STX17: variants seen among roughly 807,000 people sequenced by gnomAD.
The protein encoded by STX17 is syntaxin 17.
Under a neutral mutation model 35.9 loss-of-function variants are expected in STX17, and 29 were observed. The observed-to-expected ratio is 0.81, with a 90% CI of 0.60 to 1.10. The LOEUF is 1.10. STX17 is among the 50% of genes least tolerant of loss of function. The probability of loss-of-function intolerance (pLI) is 0.00; values close to 1 mark genes in which losing one functional copy is unlikely to be tolerated. For synonymous variants in STX17, 92 were observed against 118.3 expected, an observed-to-expected ratio of 0.78 and a Z score of 1.44; for missense variants, 312 against 352.3, an observed-to-expected ratio of 0.89 and a Z score of 0.92.
chr9:99,963,829 T>A (rs1389713828), intron 6 of STX17, among the ~76,000 whole-genome samples: 3 of 152,200 alleles, frequency 2.0e-5, no homozygotes, highest in Non-Finnish European at 4.4e-5. Flanking sequence ...TATATCATAG[T>A]ATTTATAAGT....
At chr9:99,924,305 A>C (rs1828945940) in intron 2 of STX17, among the ~76,000 whole-genome samples, 1 of 152,302 alleles carries the variant, frequency 6.6e-6, no homozygotes, top group African/African-American at 2.4e-5. Context: ...AAAGTGCCCC[A>C]GCATTGTAAC....
chr9:99,930,722 C>T (rs1829104244), intron 3 of STX17, among the ~76,000 whole-genome samples: 1 of 152,162 alleles, frequency 6.6e-6, no homozygotes, highest in African/African-American at 2.4e-5. Flanking sequence ...ATGCCTTCCT[C>T]ATTTTTGCTT....
intron 1 of STX17, among the ~76,000 whole-genome samples, chr9:99,914,649 A>G (rs1828730124): frequency 6.6e-6 from 1 of 152,232 alleles, no homozygotes; most frequent in Non-Finnish European, 1.5e-5. Flanking sequence ...AAAGTTGCAT[A>G]TTATGTTATC....
At chr9:99,940,669 CG>C (rs1369514796) in intron 3 of STX17, among the ~76,000 whole-genome samples, 2 of 151,590 alleles carry the variant, frequency 1.3e-5, no homozygotes, top group Admixed American at 1.3e-4. Context: ...TTAGTAGAGA[CG>C]GGGTTTCTTC....
In STX17 at chr9:99,971,096, T is replaced by C. The variant is rs1221521854; in HGVS notation, c.*2423T>C. Reference sequence around the variant, plus strand: ...GAAGAGTTTGATCAACTATAAATGATAAAGTGTTTATAAGCATAGTCAGTG... The same window carrying C: ...GAAGAGTTTGATCAACTATAAATGACAAAGTGTTTATAAGCATAGTCAGTG... On this transcript the variant is annotated 3_prime_UTR_variant, in exon 8 of 8. Transcript: ENST00000259400. 6.6e-6 allele frequency among the ~76,000 whole-genome samples: 1 copy of C among 152,232 alleles called. No individual in the cohort carries two copies. The highest frequency in any genetic ancestry group is 1.5e-5 in the Non-Finnish European group (1 of 68,036).
chr9:99,929,767 A>C (rs886129103), intron 3 of STX17: 8 of 151,810 alleles, frequency 5.3e-5, no homozygotes, highest in African/African-American at 1.5e-4. Context: ...AAATAGTGAA[A>C]TACAGTACTA....
intron 2 of STX17, among the ~76,000 whole-genome samples, chr9:99,922,721 G>C (rs1828912515): frequency 6.6e-6 from 1 of 152,196 alleles, no homozygotes; most frequent in South Asian, 2.1e-4. Context: ...GAATCACTCA[G>C]CTTAAGGAAG....
chr9:99,967,540 A>T, intron 6 of STX17, 113 bp from the exon 7 acceptor site: 2 of 728,388 alleles, frequency 2.7e-6, no homozygotes, highest in Non-Finnish European at 4.5e-6. Context: ...AACCACTATT[A>T]AGATGGCAAG....
chr9:99,925,326 T>C (rs1828966964), intron 2 of STX17, among the ~76,000 whole-genome samples: 1 of 152,148 alleles, frequency 6.6e-6, no homozygotes, highest in Non-Finnish European at 1.5e-5. Flanking sequence ...TCTGCATACA[T>C]TATCAGCCCC....
intron 2 of STX17, among the ~76,000 whole-genome samples, chr9:99,924,613 A>G (rs1828953614): frequency 6.6e-6 from 1 of 152,148 alleles, no homozygotes; most frequent in South Asian, 2.1e-4. Context: ...TTCTCAGTTT[A>G]TGGCCTGCAA....
chr9:99,932,821 A>G (rs1768977683), intron 3 of STX17, among the ~76,000 whole-genome samples: 1 of 152,160 alleles, frequency 6.6e-6, no homozygotes, highest in Non-Finnish European at 1.5e-5. Flanking sequence ...GTTAGTGTAA[A>G]AGTTATTTTG....
intron 3 of STX17, among the ~76,000 whole-genome samples, chr9:99,930,774 A>G (rs957010864): frequency 2.6e-5 from 4 of 152,138 alleles, no homozygotes; most frequent in Non-Finnish European, 2.9e-5. Flanking sequence ...GTAGCCCTCT[A>G]ATTAAGGGTA....
At chr9:99,940,333 G>A (rs925233071) in intron 3 of STX17, among the ~76,000 whole-genome samples, 12 of 151,762 alleles carry the variant, frequency 7.9e-5, no homozygotes, top group Admixed American at 5.3e-4. Context: ...GTTTTACCAC[G>A]TTGGCCAGGC....
intron 1 of STX17, among the ~76,000 whole-genome samples, chr9:99,913,242 T>A (rs1371482330): frequency 6.6e-6 from 1 of 152,148 alleles, no homozygotes; most frequent in African/African-American, 2.4e-5. Context: ...ATTTTAATTA[T>A]CAGTATATTC....
chr9:99,973,412 A>G lies in STX17; in HGVS notation c.*4739A>G, dbSNP rs143678221. 2.6e-4 allele frequency among the ~76,000 whole-genome samples: 39 copies of G among 152,310 alleles called. No individual in the cohort carries two copies. Among genetic ancestry groups the G allele is most frequent in the African/African-American group, 7.7e-4 (32 of 41,572 alleles). On this transcript the variant is annotated 3_prime_UTR_variant, in exon 8 of 8. Transcript: ENST00000259400. ...TAGCTTCAACATTCCAAATCAGGCA[A>G]TAGCTACAACGGAAAGATAATTGGA...
Position 99,960,115 on chromosome 9 carries a change from A to G in STX17, c.542A>G (p.Glu181Gly), listed in dbSNP as rs772525155. 1.2e-6 allele frequency: 2 copies of G among 1,613,942 alleles called. No individual in the cohort carries two copies. The highest frequency in any genetic ancestry group is 2.7e-5 in the African/African-American group (2 of 74,912). Residue 181 changes from glutamate (E) to glycine (G), a missense_variant, in exon 6 of 8, where the codon GAA becomes GGA. Glu to Gly is a moderately conservative substitution (Grantham distance 98, BLOSUM62 -2). Coordinates refer to ENST00000259400, the MANE Select transcript of STX17 (RefSeq NM_017919.3). ...SWETLEADLIELSQLVTDFSL... is the reference protein window; with the variant it reads ...SWETLEADLIGLSQLVTDFSL... ...CCCTTTCTTTTAAAGGACTTAATTG[A>G]ACTTAGCCAACTGGTCACTGACTTC...
chr9:99,928,941 CA>C (rs1829050555), intron 3 of STX17, 98 bp downstream of exon 3: 4 of 1,006,556 alleles, frequency 4.0e-6, no homozygotes, highest in African/African-American at 1.6e-5. Flanking sequence ...CCCTTTTATA[CA>C]CATTTGTTAC....
chr9:99,948,006 T>G (rs1412423624), intron 3 of STX17, among the ~76,000 whole-genome samples: 1 of 152,014 alleles, frequency 6.6e-6, no homozygotes, highest in Non-Finnish European at 1.5e-5. Flanking sequence ...ACTTTTGAAG[T>G]AGCCATTAGT....
rs113724774 is a variant in STX17, at chr9:99,919,026, G to C, written c.123+3664G>C. Among the ~76,000 whole-genome samples, 1,376 of 152,194 alleles carry C rather than the reference G, an allele frequency of 9.0e-3. 22 individuals are homozygous for C. Among genetic ancestry groups the C allele is most frequent in the African/African-American group, 0.032 (1,315 of 41,520 alleles). On this transcript the variant is annotated intron_variant, in intron 2 of 7. Coordinates refer to ENST00000259400, the MANE Select transcript of STX17 (RefSeq NM_017919.3). ...GTCCAGGCTTAATCTTCCTGGTTGT[G>C]GTGTGGTAACTGATCCCTGCCCTTA...
Sources: gnomAD v4.1 joint callset for allele counts (sites outside exome capture counted in the v4.1 genomes callset) on GRCh38, gnomAD v4.1.1 for gene constraint, MANE v1.5 for transcripts, NCBI Gene and HGNC (gene_info 2026-07-23, HGNC 2026-07-21) for gene names.